The following PASD1 variants were observed in gnomAD, a reference collection of about 807,000 sequenced individuals.
PASD1 encodes circadian clock protein PASD1.
A neutral mutation model predicts 58.8 loss-of-function variants in PASD1; 13 were observed. The observed-to-expected ratio is 0.22, with a 90% CI of 0.14 to 0.35. The LOEUF is 0.35. Among genes scored for constraint, PASD1 ranks in the 10% least tolerant of loss-of-function variants. The pLI, the probability that PASD1 is intolerant of heterozygous loss-of-function variation, is 1.00. For missense variants in PASD1, 734 were observed against 568.3 expected (o/e 1.29, Z -2.96); for synonymous variants, 236 against 216.7 (o/e 1.09, Z -0.78).
At chrX:151,663,027 G>A (rs1176796045) in intron 10 of PASD1, among the ~76,000 whole-genome samples, 1 of 111,340 alleles carries the variant, frequency 9.0e-6, no homozygotes, top group Non-Finnish European at 1.9e-5. Context: ...CTGTATTTTC[G>A]CCTAGGTTTT....
Position 151,659,841 on chromosome X carries a change from G to T in PASD1, c.841+5G>T, listed in dbSNP as rs777778322. 1 of 1,201,513 alleles carries T rather than the reference G, an allele frequency of 8.3e-7. No individual in the cohort carries two copies. Among genetic ancestry groups the T allele is most frequent in the Non-Finnish European group, 1.1e-6 (1 of 889,278 alleles). On this transcript the variant is annotated splice_donor_5th_base_variant and intron_variant, in intron 10 of 15. Coordinates refer to ENST00000370357, the MANE Select transcript of PASD1 (RefSeq NM_173493.3). Reference sequence around the variant, plus strand: ...ATACTATGCCTGAATCTCCAGGTAGGTACATTTATGCATTTGGATAGGGAC... The same window carrying T: ...ATACTATGCCTGAATCTCCAGGTAGTTACATTTATGCATTTGGATAGGGAC...
At chrX:151,654,790 G>C (rs1481905447) in intron 9 of PASD1, among the ~76,000 whole-genome samples, 1 of 111,139 alleles carries the variant, frequency 9.0e-6, no homozygotes, top group Non-Finnish European at 1.9e-5. Flanking sequence ...AGGTAAATAA[G>C]AGATAAGATA....
In PASD1 at chrX:151,584,053, A is replaced by G. The variant is rs1471842627; in HGVS notation, c.-27-17474A>G. 3.6e-5 allele frequency among the ~76,000 whole-genome samples: 4 copies of G among 111,741 alleles called. No homozygotes were observed. The Admixed American group carries it at 3.8e-4, about 11-fold the overall frequency. On this transcript the variant is annotated intron_variant, in intron 1 of 15. Transcript: ENST00000370357. ...CTAGTGAGCAGAAGGTCACAAATGG[A>G]TGGAAATTGTGACATAGCTAGAAAT...
rs947748499 is a variant in PASD1, at chrX:151,595,504, G to A, written c.-27-6023G>A. On this transcript the variant is annotated intron_variant, in intron 1 of 15. Transcript: ENST00000370357. ...GAGGCTGAGGCGGGCGGATCACGAGGTCAGGAGATGGAGACCATCCTGGCT... is the reference window on the plus strand; with the variant it reads ...GAGGCTGAGGCGGGCGGATCACGAGATCAGGAGATGGAGACCATCCTGGCT... Among the ~76,000 whole-genome samples the A allele has an allele frequency of 2.7e-5, 3 of 109,963 alleles. No homozygotes were observed. The South Asian group carries it at 1.2e-3, about 43-fold the overall frequency.
chrX:151,583,046 T>C (rs2013120156), intron 1 of PASD1, among the ~76,000 whole-genome samples: 1 of 111,254 alleles, frequency 9.0e-6, no homozygotes. Context: ...AGGTCACAGA[T>C]GGAAATTGGG....
chrX:151,647,768 A>G (rs1446728499), intron 8 of PASD1, among the ~76,000 whole-genome samples: 1 of 110,939 alleles, frequency 9.0e-6, no homozygotes, highest in Non-Finnish European at 1.9e-5. Context: ...CCTCTGAAAT[A>G]CATAATGGAA....
chrX:151,665,903 T>TG (rs1491226302), intron 11 of PASD1, among the ~76,000 whole-genome samples: 22 of 75,878 alleles, frequency 2.9e-4, no homozygotes, highest in Non-Finnish European at 5.2e-4. Flanking sequence ...TGTGTGTGTG[T>TG]TTTTTTTTTT....
intron 8 of PASD1, among the ~76,000 whole-genome samples, chrX:151,636,452 G>T (rs1343905819): frequency 1.8e-5 from 2 of 111,305 alleles, no homozygotes; most frequent in African/African-American, 6.5e-5. Flanking sequence ...CGCCCAGGCT[G>T]AAGTGCAGTG....
intron 8 of PASD1, among the ~76,000 whole-genome samples, chrX:151,639,921 A>G (rs1371378461): frequency 8.9e-6 from 1 of 112,275 alleles, no homozygotes; most frequent in Non-Finnish European, 1.9e-5. Context: ...ACTTCAAATC[A>G]TATCTCATAT....
intron 1 of PASD1, among the ~76,000 whole-genome samples, chrX:151,594,467 G>T (rs902745514): frequency 3.6e-5 from 4 of 110,667 alleles, no homozygotes; most frequent in Non-Finnish European, 7.6e-5. Context: ...TTTATTTGTT[G>T]TCTAGGCAGT....
At chrX:151,671,013 A>T (rs1423649036) in intron 11 of PASD1, 25 bp from the exon 12 acceptor site, 2 of 1,200,428 alleles carry the variant, frequency 1.7e-6, no homozygotes, top group African/African-American at 3.5e-5. Context: ...GCTATACATG[A>T]ACCATAAGTA....
At chrX:151,629,125 T>C (rs1393134468) in intron 8 of PASD1, among the ~76,000 whole-genome samples, 1 of 111,329 alleles carries the variant, frequency 9.0e-6, no homozygotes, top group Admixed American at 9.5e-5. Flanking sequence ...GATATTTTTA[T>C]TTTTTATTTT....
At chrX:151,672,125 G>A (rs7886849) in intron 13 of PASD1, 58 bp from the exon 14 acceptor site, 257,047 of 1,113,011 alleles carry the variant, frequency 0.23, 21,187 homozygotes, top group Middle Eastern at 0.35. Context: ...TGTTAAATAA[G>A]TTTCTGGGAG....
chrX:151,637,956 T>C (rs968593370), intron 8 of PASD1, among the ~76,000 whole-genome samples: 4 of 112,103 alleles, frequency 3.6e-5, no homozygotes, highest in African/African-American at 1.3e-4. Flanking sequence ...TATTTTCTCA[T>C]ATTCATTGCC....
intron 11 of PASD1, among the ~76,000 whole-genome samples, chrX:151,664,744 C>T (rs1755263918): frequency 8.9e-6 from 1 of 111,919 alleles, no homozygotes; most frequent in South Asian, 3.8e-4. Context: ...TTCTGGCCTT[C>T]CCATACCAAC....
chrX:151,622,586 T>TACACACAA (rs2013727125), intron 6 of PASD1, among the ~76,000 whole-genome samples: 1 of 96,758 alleles, frequency 1.0e-5, no homozygotes, highest in Non-Finnish European at 2.1e-5. Flanking sequence ...GTGCACAGAT[T>TACACACAA]ACACACACAC....
intron 4 of PASD1, 96 bp from the exon 5 acceptor site, chrX:151,620,834 T>C (rs1311415502): frequency 2.0e-6 from 1 of 496,544 alleles, no homozygotes; most frequent in Admixed American, 3.5e-5. Context: ...GGTAAGGAGA[T>C]AGAGGAACTG....
At chrX:151,642,297 A>G (rs1056797942) in intron 8 of PASD1, among the ~76,000 whole-genome samples, 1 of 112,028 alleles carries the variant, frequency 8.9e-6, no homozygotes, top group Non-Finnish European at 1.9e-5. Flanking sequence ...CCATTCTTAC[A>G]TTGTAAAAAA....
chrX:151,628,287 A>G (rs192815112), intron 8 of PASD1, among the ~76,000 whole-genome samples: 4 of 111,968 alleles, frequency 3.6e-5, no homozygotes, highest in African/African-American at 6.5e-5. Context: ...GCCCATGCCT[A>G]TGTCCTGAAT....
Sources: allele counts gnomAD v4.1 joint callset (sites outside exome capture counted in the v4.1 genomes callset), GRCh38; gene constraint gnomAD v4.1.1; transcripts MANE v1.5; gene names NCBI Gene and HGNC (gene_info 2026-07-23, HGNC 2026-07-21).